Variants in CDYL2 observed in about 807,000 individuals in gnomAD.
CDYL2 encodes chromodomain Y-like protein 2.
A neutral mutation model predicts 49.4 loss-of-function variants in CDYL2; 23 were observed. The ratio of observed to expected loss-of-function variants is 0.47; its 90% CI spans 0.34 to 0.66. The LOEUF (loss-of-function observed/expected upper bound fraction) is 0.66. Among genes scored for constraint, CDYL2 ranks in the 30% least tolerant of loss-of-function variants. The probability of loss-of-function intolerance (pLI) is 0.01; values close to 1 mark genes in which losing one functional copy is unlikely to be tolerated. For synonymous variants in CDYL2, 360 were observed against 268.8 expected, an observed-to-expected ratio of 1.34 and a Z score of -3.32; for missense variants, 678 against 656.4, an observed-to-expected ratio of 1.03 and a Z score of -0.36.
intron 1 of CDYL2, among the ~76,000 whole-genome samples, chr16:80,760,820 C>G (rs1253240035): frequency 6.6e-6 from 1 of 151,472 alleles, no homozygotes; most frequent in African/African-American, 2.4e-5. Flanking sequence ...CAGAGTTGAA[C>G]AGTTATCCAG....
At chr16:80,686,455 G>A (rs1382330752) in intron 1 of CDYL2, among the ~76,000 whole-genome samples, 1 of 152,108 alleles carries the variant, frequency 6.6e-6, no homozygotes, top group Non-Finnish European at 1.5e-5. Flanking sequence ...TGCTTTTCTA[G>A]AATGGAATTT....
chr16:80,624,046 G>A (rs1334864162), intron 3 of CDYL2, among the ~76,000 whole-genome samples: 2 of 152,116 alleles, frequency 1.3e-5, no homozygotes, highest in East Asian at 1.9e-4. Context: ...ACTGACTGAA[G>A]CAATCCCCCT....
At chr16:80,755,201 A>G (rs2549737) in intron 1 of CDYL2, among the ~76,000 whole-genome samples, 1 of 152,174 alleles carries the variant, frequency 6.6e-6, no homozygotes, top group Non-Finnish European at 1.5e-5. Context: ...CAGCAAATGT[A>G]AATTTCTCCT....
At chr16:80,695,959 T>C (rs1342516696) in intron 1 of CDYL2, among the ~76,000 whole-genome samples, 1 of 152,242 alleles carries the variant, frequency 6.6e-6, no homozygotes, top group Non-Finnish European at 1.5e-5. Context: ...ATTCTTCTCA[T>C]TAGCACATGA....
chr16:80,799,450 A>G (rs1907861484), intron 1 of CDYL2, among the ~76,000 whole-genome samples: 1 of 152,150 alleles, frequency 6.6e-6, no homozygotes, highest in Non-Finnish European at 1.5e-5. Context: ...TGCCTCTCAT[A>G]TATTTGGTGG....
chr16:80,677,143 G>T (rs190601419), intron 2 of CDYL2, among the ~76,000 whole-genome samples: 1 of 151,268 alleles, frequency 6.6e-6, no homozygotes, highest in Non-Finnish European at 1.5e-5. Flanking sequence ...GCTAATTTTT[G>T]TATTTTTTTG....
At chr16:80,760,621 G>A (rs777533047) in intron 1 of CDYL2, among the ~76,000 whole-genome samples, 2 of 151,838 alleles carry the variant, frequency 1.3e-5, no homozygotes, top group Admixed American at 6.6e-5. Flanking sequence ...CTACTATGTC[G>A]CCACAAAAAT....
At chr16:80,731,405 G>C (rs1040419497) in intron 1 of CDYL2, among the ~76,000 whole-genome samples, 5 of 152,000 alleles carry the variant, frequency 3.3e-5, no homozygotes, top group African/African-American at 9.7e-5. Context: ...AAAAAAGTGA[G>C]AACAGATAAC....
At chr16:80,725,642 A>T (rs1905139599) in intron 1 of CDYL2, among the ~76,000 whole-genome samples, 1 of 152,240 alleles carries the variant, frequency 6.6e-6, no homozygotes, top group African/African-American at 2.4e-5. Flanking sequence ...TACATGCAGA[A>T]GTTCCAGCAG....
chr16:80,730,677 G>A (rs1055961954), intron 1 of CDYL2, among the ~76,000 whole-genome samples: 1 of 152,174 alleles, frequency 6.6e-6, no homozygotes, highest in African/African-American at 2.4e-5. Flanking sequence ...CAATACCCTT[G>A]ATGAACATTG....
intron 2 of CDYL2, among the ~76,000 whole-genome samples, chr16:80,670,261 A>G (rs1909444089): frequency 6.7e-6 from 1 of 149,354 alleles, no homozygotes; most frequent in Non-Finnish European, 1.5e-5. Flanking sequence ...GTGTGGTGGG[A>G]GGGACCCAGT....
chr16:80,728,667 G>A (rs931864824), intron 1 of CDYL2, among the ~76,000 whole-genome samples: 2 of 152,002 alleles, frequency 1.3e-5, no homozygotes, highest in Non-Finnish European at 1.5e-5. Flanking sequence ...AAGTTGAAAT[G>A]AAGGAAAAAA....
Position 80,603,435 on chromosome 16 carries a change from T to G in CDYL2, c.*953A>C, listed in dbSNP as rs1435387342. 1 of 152,162 alleles carries G rather than the reference T, an allele frequency of 6.6e-6. No homozygotes were observed. The highest frequency in any genetic ancestry group is 1.9e-4 in the East Asian group (1 of 5,198). The allele number at this position is 152,162 out of a possible 1,614,324, so 9.4% of individuals were successfully genotyped here. Reference sequence around the variant, plus strand: ...CCAAGATGTCTCCTAAGGACAAACCTAAGGAACTAGTATTCTATTATTACA... The same window carrying G: ...CCAAGATGTCTCCTAAGGACAAACCGAAGGAACTAGTATTCTATTATTACA... On this transcript the variant is annotated 3_prime_UTR_variant, in exon 7 of 7. Transcript: ENST00000570137.
chr16:80,604,621 G>T, intron 6 of CDYL2, 75 bp from the exon 7 acceptor site: 1 of 1,514,600 alleles, frequency 6.6e-7, no homozygotes. Context: ...TGGCCCATGG[G>T]GCACTGGCCA....
At chr16:80,712,782 C>T (rs1208870411) in intron 1 of CDYL2, among the ~76,000 whole-genome samples, 1 of 152,178 alleles carries the variant, frequency 6.6e-6, no homozygotes, top group Non-Finnish European at 1.5e-5. Context: ...GTCCCAATGC[C>T]ATCAGACATA....
intron 4 of CDYL2, among the ~76,000 whole-genome samples, chr16:80,614,869 GA>G (rs57112645): frequency 0.13 from 9,140 of 71,368 alleles, 461 homozygotes; most frequent in African/African-American, 0.2. Flanking sequence ...GTCTCAGGGA[GA>G]AAAAAAAAAA....
At chr16:80,726,926 A>G (rs980287911) in intron 1 of CDYL2, among the ~76,000 whole-genome samples, 1 of 152,174 alleles carries the variant, frequency 6.6e-6, no homozygotes, top group African/African-American at 2.4e-5. Context: ...CCTCTACAAA[A>G]AATTTAAAAA....
In CDYL2 at chr16:80,634,514, G is replaced by A. The variant is rs891569345; in HGVS notation, c.617-1278C>T. Among the ~76,000 whole-genome samples, 10 of 152,288 alleles carry A rather than the reference G, an allele frequency of 6.6e-5. No individual in the cohort carries two copies. In the South Asian group the frequency reaches 2.1e-3, roughly 32 times the overall value. ...CCTGTCGTGGGGTGGGGACATGGGTGAGAGATAGTATTAGGAGAAATATGT... is the reference window on the plus strand; with the variant it reads ...CCTGTCGTGGGGTGGGGACATGGGTAAGAGATAGTATTAGGAGAAATATGT... On this transcript the variant is annotated intron_variant, in intron 2 of 6. Transcript: ENST00000570137.
intron 1 of CDYL2, among the ~76,000 whole-genome samples, chr16:80,785,679 A>T (rs1267074997): frequency 6.6e-6 from 1 of 152,214 alleles, no homozygotes; most frequent in Admixed American, 6.5e-5. Flanking sequence ...AGAAGAACAA[A>T]GCTGGAGGCA....
Sources: allele counts gnomAD v4.1 joint callset (sites outside exome capture counted in the v4.1 genomes callset), GRCh38; gene constraint gnomAD v4.1.1; transcripts MANE v1.5; gene names NCBI Gene and HGNC (gene_info 2026-07-23, HGNC 2026-07-21).